The following ACSBG2 variants were observed in gnomAD, a reference collection of about 807,000 sequenced individuals.
ACSBG2 encodes acyl-CoA synthetase bubblegum family member 2, also known as long-chain-fatty-acid--CoA ligase ACSBG2.
A neutral mutation model predicts 74.7 loss-of-function variants in ACSBG2; 62 were observed. That is an observed-to-expected ratio of 0.83 (90% confidence interval 0.68 to 1.03). ACSBG2 has a LOEUF of 1.03. Ranked by LOEUF, ACSBG2 falls within the 50% of genes least tolerant of loss-of-function variation. The pLI is 0.00. For synonymous variants in ACSBG2, 309 were observed against 294.1 expected, an observed-to-expected ratio of 1.05 and a Z score of -0.52; for missense variants, 730 against 817.6, an observed-to-expected ratio of 0.89 and a Z score of 1.31.
chr19:6,187,002 GTTT>G (rs1011907904), intron 11 of ACSBG2, among the ~76,000 whole-genome samples: 8 of 130,688 alleles, frequency 6.1e-5, no homozygotes, highest in Admixed American at 7.7e-5. Context: ...TGGCCACTAG[GTTT>G]TTTTTTTTTT....
chr19:6,144,061 G>A (rs1400294512), intron 2 of ACSBG2, among the ~76,000 whole-genome samples: 2 of 152,104 alleles, frequency 1.3e-5, no homozygotes, highest in East Asian at 1.9e-4. Context: ...GCAGTGGTGC[G>A]ATCTTGGCTC....
At chr19:6,151,446 G>A (rs867980253) in intron 3 of ACSBG2, among the ~76,000 whole-genome samples, 3 of 151,964 alleles carry the variant, frequency 2.0e-5, no homozygotes, top group South Asian at 2.1e-4. Flanking sequence ...TAGCCGGGAC[G>A]ACAAGTGTGT....
At chr19:6,154,422 G>GAGAGAGAC (rs1383499987) in intron 4 of ACSBG2, among the ~76,000 whole-genome samples, 1 of 89,376 alleles carries the variant, frequency 1.1e-5, no homozygotes, top group Non-Finnish European at 2.7e-5. Flanking sequence ...GAGAGAGAGA[G>GAGAGAGAC]AGAGAGAGAG....
In ACSBG2 at chr19:6,165,944, C is replaced by G; in HGVS notation, c.667C>G (p.Gln223Glu). 1 of 1,613,916 alleles carries G rather than the reference C, an allele frequency of 6.2e-7. No individual in the cohort carries two copies. Among genetic ancestry groups the G allele is most frequent in the Non-Finnish European group, 8.5e-7 (1 of 1,179,968 alleles). Reference sequence around the variant, plus strand: ...GGTCATCGAGAGCCAGAAGGCGAATCAATGCGCAGTGCTCATCTACACTTC... The same window carrying G: ...GGTCATCGAGAGCCAGAAGGCGAATGAATGCGCAGTGCTCATCTACACTTC... ...EQVIESQKAN[Q>E]CAVLIYTSGT... is the part of the protein sequence containing the mutation. Residue 223 changes from glutamine to glutamate, a missense_variant, in exon 7 of 15, where the codon CAA becomes GAA. By Grantham distance (29) the Gln-to-Glu change is conservative. Transcript: ENST00000588485.
chr19:6,173,824 T>C (rs1033676158), intron 7 of ACSBG2, among the ~76,000 whole-genome samples: 2 of 152,028 alleles, frequency 1.3e-5, no homozygotes, highest in East Asian at 3.9e-4. Flanking sequence ...CTTTCCACAA[T>C]AGGGAAGATG....
rs780786691 is a variant in ACSBG2 at position 6,174,228 on chromosome 19, C to T, written c.739-3001C>T. ...CTGGGACTACAAACATGAGCCACCA[C>T]GCTTGGCCATCACTCTTGAACTTCT... On this transcript the variant is annotated intron_variant, in intron 7 of 14. Transcript: ENST00000588485. The surrounding 1 kb of genome is among the most constrained non-coding windows in gnomAD (Gnocchi z 4.2). Among the ~76,000 whole-genome samples the T allele has an allele frequency of 1.1e-4, 16 of 152,174 alleles. No individual in the cohort carries two copies. Among genetic ancestry groups the T allele is most frequent in the Non-Finnish European group, 2.1e-4 (14 of 68,038 alleles).
At chr19:6,182,964 A>T (rs2145239931) in intron 9 of ACSBG2, 32 bp downstream of exon 9, 4 of 1,612,896 alleles carry the variant, frequency 2.5e-6, no homozygotes, top group East Asian at 4.5e-5. Context: ...CTGGGAGGGT[A>T]GTTGGTGAGG....
At chr19:6,150,281 G>T (rs983485275) in intron 3 of ACSBG2, among the ~76,000 whole-genome samples, 1 of 112,116 alleles carries the variant, frequency 8.9e-6, no homozygotes, top group African/African-American at 3.4e-5. Flanking sequence ...TCTAAAAAAA[G>T]AAAAAATGTA....
At chr19:6,139,221 G>A (rs764851694) in intron 1 of ACSBG2, among the ~76,000 whole-genome samples, 26 of 151,714 alleles carry the variant, frequency 1.7e-4, no homozygotes, top group Non-Finnish European at 2.6e-4. Context: ...CCAAGTAGTT[G>A]GAACTACAGG....
intron 7 of ACSBG2, among the ~76,000 whole-genome samples, chr19:6,168,064 C>A (rs2089862357): frequency 6.6e-6 from 1 of 151,484 alleles, no homozygotes; most frequent in South Asian, 2.1e-4. Flanking sequence ...CTGTCTGCAG[C>A]CCTCCATGGC....
intron 7 of ACSBG2, among the ~76,000 whole-genome samples, chr19:6,166,729 C>G (rs1278652478): frequency 6.6e-6 from 1 of 151,948 alleles, no homozygotes; most frequent in African/African-American, 2.4e-5. Flanking sequence ...CCACTGCCTC[C>G]TGGGTTCAAG....
intron 7 of ACSBG2, among the ~76,000 whole-genome samples, chr19:6,168,463 C>G (rs1405757663): frequency 6.6e-6 from 1 of 152,126 alleles, no homozygotes; most frequent in Non-Finnish European, 1.5e-5. Context: ...ATATTATATG[C>G]TCATTTGTTT....
chr19:6,171,585 T>A (rs937575924), intron 7 of ACSBG2, among the ~76,000 whole-genome samples: 13 of 152,218 alleles, frequency 8.5e-5, no homozygotes, highest in Non-Finnish European at 1.3e-4. Context: ...AAATCCACTG[T>A]ACGTCTGATG....
At chr19:6,182,487 T>C (rs534630234) in intron 8 of ACSBG2, among the ~76,000 whole-genome samples, 1 of 152,334 alleles carries the variant, frequency 6.6e-6, no homozygotes, top group East Asian at 1.9e-4. Context: ...AGTTGACAGG[T>C]TGCACTTAAA....
intron 7 of ACSBG2, chr19:6,175,367 C>T (rs948838353): frequency 1.3e-5 from 2 of 152,238 alleles, no homozygotes; most frequent in African/African-American, 4.8e-5. Context: ...AAGACAGACT[C>T]AATCTGGACC....
At chr19:6,173,511 G>A (rs1480656978) in intron 7 of ACSBG2, among the ~76,000 whole-genome samples, 3 of 152,144 alleles carry the variant, frequency 2.0e-5, no homozygotes, top group Non-Finnish European at 4.4e-5. Flanking sequence ...TGTCAAAGGC[G>A]AGTGGGAAGC....
intron 7 of ACSBG2, among the ~76,000 whole-genome samples, chr19:6,168,379 C>A (rs1164050485): frequency 6.6e-6 from 1 of 152,172 alleles, no homozygotes; most frequent in African/African-American, 2.4e-5. Context: ...AAATAGCAAA[C>A]AATAAACCAC....
chr19:6,150,305 CAT>C (rs2089190792), intron 3 of ACSBG2, among the ~76,000 whole-genome samples: 1 of 135,418 alleles, frequency 7.4e-6, no homozygotes, highest in East Asian at 2.2e-4. Context: ...AGAGAATTGC[CAT>C]ATGATTCAGC....
chr19:6,182,737 T>C lies in ACSBG2; in HGVS notation c.907-14T>C. ...AAGGCCCTGCTGTGGCTAACCTAGC[T>C]TCGTTCCATACAGGGCACCTTGGTA... On this transcript the variant is annotated splice_polypyrimidine_tract_variant and intron_variant, in intron 8 of 14. Transcript: ENST00000588485. The C allele has an allele frequency of 3.7e-6, 6 of 1,612,346 alleles. No individual in the cohort carries two copies. Among genetic ancestry groups the C allele is most frequent in the Non-Finnish European group, 4.2e-6 (5 of 1,178,914 alleles).
Sources: gnomAD v4.1 joint callset for allele counts (sites outside exome capture counted in the v4.1 genomes callset) on GRCh38, gnomAD v4.1.1 for gene constraint, Gnocchi (gnomAD v3.1) non-coding constraint, MANE v1.5 for transcripts, NCBI Gene and HGNC (gene_info 2026-07-23, HGNC 2026-07-21) for gene names.